Variants in PPARG observed in about 807,000 individuals in gnomAD.
The protein encoded by PPARG is peroxisome proliferator-activated receptor gamma.
In PPARG, 17 loss-of-function variants were observed where a neutral mutation model predicts 39.2. That is an observed-to-expected ratio of 0.43 (90% CI 0.30 to 0.65). The LOEUF is 0.65. Ranked by LOEUF, PPARG falls within the 30% of genes least tolerant of loss-of-function variation. The probability of loss-of-function intolerance (pLI) is 0.13; values close to 1 mark genes in which losing one functional copy is unlikely to be tolerated. For missense variants in PPARG, 406 were observed against 585.9 expected, an observed-to-expected ratio of 0.69 and a Z score of 3.17; for synonymous variants, 223 against 215.7, an observed-to-expected ratio of 1.03 and a Z score of -0.30.
chr3:12,407,867 A>G (rs894156078), intron 6 of PPARG, among the ~76,000 whole-genome samples: 2 of 152,180 alleles, frequency 1.3e-5, no homozygotes, highest in Non-Finnish European at 2.9e-5. Context: ...ACAATAATAT[A>G]CCTGGATTCA....
At chr3:12,323,653 G>A (rs368220308) in intron 2 of PPARG, among the ~76,000 whole-genome samples, 42 of 152,106 alleles carry the variant, frequency 2.8e-4, no homozygotes, top group African/African-American at 8.4e-4. Context: ...CGTGCTGCTG[G>A]TGCAAGGTTA....
intron 5 of PPARG, among the ~76,000 whole-genome samples, chr3:12,400,331 G>C (rs1056451669): frequency 6.6e-6 from 1 of 152,168 alleles, no homozygotes; most frequent in South Asian, 2.1e-4. Flanking sequence ...GTTATACCCA[G>C]ATCCAAAAAG....
At chr3:12,308,914 AAAT>A (rs1433369503) in intron 1 of PPARG, among the ~76,000 whole-genome samples, 1 of 152,192 alleles carries the variant, frequency 6.6e-6, no homozygotes, top group Non-Finnish European at 1.5e-5. Flanking sequence ...TTGAGGAGTG[AAAT>A]AATAAAAAAT....
chr3:12,377,450 A>G (rs111892873), intron 2 of PPARG, among the ~76,000 whole-genome samples: 3,578 of 152,308 alleles, frequency 0.023, 72 homozygotes, highest in Non-Finnish European at 0.032. Context: ...GAAAAGGTGT[A>G]TCCACAGAAA....
At chr3:12,290,473 A>T (rs573560822) in intron 1 of PPARG, among the ~76,000 whole-genome samples, 3 of 152,062 alleles carry the variant, frequency 2.0e-5, no homozygotes, top group Non-Finnish European at 4.4e-5. Context: ...ATTTTCTTTG[A>T]AGGACTAGTT....
chr3:12,333,778 G>A (rs561846418), intron 2 of PPARG, among the ~76,000 whole-genome samples: 5 of 152,166 alleles, frequency 3.3e-5, no homozygotes, highest in African/African-American at 1.2e-4. Context: ...TTGTTCATAC[G>A]ACATTAGTGA....
At chr3:12,433,309 G>T (rs541869472) in intron 7 of PPARG, among the ~76,000 whole-genome samples, 1 of 152,070 alleles carries the variant, frequency 6.6e-6, no homozygotes, top group African/African-American at 2.4e-5. Context: ...AGGCCAAGGC[G>T]GGTGGATCAC....
intron 2 of PPARG, chr3:12,351,387 T>A (rs1421077118): frequency 1.1e-5 from 7 of 608,806 alleles, no homozygotes; most frequent in Non-Finnish European, 2.1e-5. Flanking sequence ...AGCTGGCTCC[T>A]AATAGGACAG....
chr3:12,395,000 C>T (rs2050208747), intron 5 of PPARG, among the ~76,000 whole-genome samples: 1 of 152,180 alleles, frequency 6.6e-6, no homozygotes, highest in Non-Finnish European at 1.5e-5. Flanking sequence ...TTTCTGCTCC[C>T]TGGTCTCTGA....
intron 2 of PPARG, chr3:12,344,975 A>G (rs1431496703): frequency 1.3e-5 from 2 of 152,230 alleles, no homozygotes; most frequent in African/African-American, 4.8e-5. Context: ...CTGGTTCCAC[A>G]TTGAAACCCT....
chr3:12,388,381 G>GT (rs1415263265), intron 4 of PPARG, among the ~76,000 whole-genome samples: 1 of 152,154 alleles, frequency 6.6e-6, no homozygotes, highest in Non-Finnish European at 1.5e-5. Context: ...GCAGGTCAGG[G>GT]TTTTCCCCAT....
At position 12,422,538 on chromosome 3, in the gene PPARG, G is replaced by A. The variant is rs574108879; in HGVS notation, c.1180+5384G>A. 3.9e-5 allele frequency among the ~76,000 whole-genome samples: 6 copies of A among 152,162 alleles called. No homozygotes were observed. In the South Asian group the frequency reaches 6.2e-4, roughly 16 times the overall value. On this transcript the variant is annotated intron_variant, in intron 7 of 7. Coordinates refer to ENST00000651735, the MANE Select transcript of PPARG (RefSeq NM_138711.6). ...TGCTTCAGTCTTGGAGTTCTTTGGC[G>A]GTTATCAAAAACTGCCTATTTCCAT... is the stretch of plus-strand genomic sequence containing the variant.
intron 2 of PPARG, among the ~76,000 whole-genome samples, chr3:12,346,660 G>T (rs942983982): frequency 2.6e-5 from 4 of 151,484 alleles, no homozygotes; most frequent in African/African-American, 9.7e-5. Context: ...TTTAAGACAG[G>T]GTCTCACTCT....
At chr3:12,292,759 A>G (rs1184251281) in intron 1 of PPARG, among the ~76,000 whole-genome samples, 1 of 152,180 alleles carries the variant, frequency 6.6e-6, no homozygotes, top group Non-Finnish European at 1.5e-5. Context: ...GGTGATGGGA[A>G]GTTACTGGTA....
intron 6 of PPARG, among the ~76,000 whole-genome samples, chr3:12,412,448 T>A (rs1316745271): frequency 6.6e-6 from 1 of 152,106 alleles, no homozygotes; most frequent in Non-Finnish European, 1.5e-5. Flanking sequence ...AAAATCAAAA[T>A]ATGTCAAAAT....
At chr3:12,372,506 G>A (rs141623297) in intron 2 of PPARG, among the ~76,000 whole-genome samples, 319 of 152,184 alleles carry the variant, frequency 2.1e-3, no homozygotes, top group African/African-American at 7.3e-3. Flanking sequence ...GACACAATCC[G>A]GGCACAATAT....
At chr3:12,305,560 A>AT (rs2047039916) in intron 1 of PPARG, among the ~76,000 whole-genome samples, 1 of 152,162 alleles carries the variant, frequency 6.6e-6, no homozygotes, top group African/African-American at 2.4e-5. Flanking sequence ...TCAGCATCTA[A>AT]TTTTTTATTA....
intron 6 of PPARG, among the ~76,000 whole-genome samples, chr3:12,412,046 G>A (rs1307416545): frequency 6.6e-6 from 1 of 152,110 alleles, no homozygotes; most frequent in African/African-American, 2.4e-5. Flanking sequence ...TTTGAGAGAG[G>A]GTAGAGGGGT....
intron 7 of PPARG, among the ~76,000 whole-genome samples, chr3:12,433,054 C>T (rs945031428): frequency 2.9e-4 from 44 of 152,192 alleles, no homozygotes; most frequent in Non-Finnish European, 6.0e-4. Context: ...TAAAATGTAT[C>T]AGTATTTTAA....
Sources: gnomAD v4.1 joint callset for allele counts (sites outside exome capture counted in the v4.1 genomes callset) on GRCh38, gnomAD v4.1.1 for gene constraint, MANE v1.5 for transcripts, NCBI Gene and HGNC (gene_info 2026-07-23, HGNC 2026-07-21) for gene names.